The following MTMR14 variants were observed in gnomAD, a reference collection of about 807,000 sequenced individuals.
MTMR14 encodes phosphatidylinositol-3,5-bisphosphate 3-phosphatase MTMR14.
In MTMR14, 48 loss-of-function variants were observed where a neutral mutation model predicts 86.3. That is an observed-to-expected ratio of 0.56 (90% confidence interval 0.44 to 0.71). The LOEUF (loss-of-function observed/expected upper bound fraction) is 0.71, where lower values mean the gene tolerates loss of function less well. Among genes scored for constraint, MTMR14 ranks in the 30% least tolerant of loss-of-function variants. The probability of loss-of-function intolerance (pLI) is 0.00; values close to 1 mark genes in which losing one functional copy is unlikely to be tolerated. For missense variants in MTMR14, 780 were observed against 834.6 expected (o/e 0.93, Z 0.81); for synonymous variants, 366 against 326.1 (o/e 1.12, Z -1.32).
chr3:9,675,837 A>G (rs2075551442), intron 7 of MTMR14, among the ~76,000 whole-genome samples: 1 of 152,184 alleles, frequency 6.6e-6, no homozygotes, highest in African/African-American at 2.4e-5. Flanking sequence ...TCTGAGGGAT[A>G]ATTGCTGTCT....
At chr3:9,656,064 G>A (rs992620912) in intron 2 of MTMR14, among the ~76,000 whole-genome samples, 2 of 151,910 alleles carry the variant, frequency 1.3e-5, no homozygotes, top group South Asian at 2.1e-4. Flanking sequence ...GTGTGGTGGC[G>A]CACGCCTGTA....
chr3:9,701,907 CG>C lies in MTMR14; in HGVS notation c.1892del (p.Gly631AlafsTer26), dbSNP rs769094581. 1.2e-6 allele frequency: 2 copies of C among 1,614,202 alleles called. No homozygotes were observed. The highest frequency in any genetic ancestry group is 2.2e-5 in the South Asian group (2 of 91,090). ...TAGCCCCCAGTCCTTCCGGTGCCAT[CG>C]GGGGCCTGCTGGAGCAATTTGCCCG... is the stretch of plus-strand genomic sequence containing the variant. ...AVAPSPSGAI[G>X]GLLEQFARGV... On this transcript the variant is annotated frameshift_variant, in exon 19 of 19. Transcript: ENST00000296003. LOFTEE classifies it high-confidence loss of function. This position sits in a 1 kb window ranked among gnomAD's most constrained non-coding sequence, Gnocchi z 4.2.
chr3:9,689,962 A>G lies in MTMR14; in HGVS notation c.1434-2A>G, dbSNP rs1271803744. The G allele has an allele frequency of 1.2e-6, 2 of 1,608,832 alleles. No individual in the cohort carries two copies. The highest frequency in any genetic ancestry group is 1.3e-5 in the African/African-American group (1 of 74,940). On this transcript the variant is annotated splice_acceptor_variant, in intron 16 of 18. Coordinates refer to ENST00000296003, the MANE Select transcript of MTMR14 (RefSeq NM_001077525.3). LOFTEE classifies it high-confidence loss of function. ...CTCACAGCCCTGCTCCTTCCACTGC[A>G]GGAGGAAGAGCCACTCATCCTCTCC...
intron 17 of MTMR14, among the ~76,000 whole-genome samples, chr3:9,697,059 T>TCAGG (rs1293165943): frequency 6.6e-6 from 1 of 152,114 alleles, no homozygotes; most frequent in African/African-American, 2.4e-5. Context: ...GAGGAAGCTG[T>TCAGG]CAGGCTGCCT....
At chr3:9,666,412 C>T (rs1004135951) in intron 3 of MTMR14, among the ~76,000 whole-genome samples, 1 of 152,080 alleles carries the variant, frequency 6.6e-6, no homozygotes, top group Non-Finnish European at 1.5e-5. Context: ...GGATTACAGG[C>T]GTGAGCCACC....
At chr3:9,650,324 CCAGT>C (rs1390772606) in intron 1 of MTMR14, 1 of 456,588 alleles carries the variant, frequency 2.2e-6, no homozygotes, top group East Asian at 6.9e-5. Context: ...GGATTTCCAC[CCAGT>C]CGTCTTATCG....
At chr3:9,665,038 C>G (rs2048167237) in intron 3 of MTMR14, among the ~76,000 whole-genome samples, 1 of 152,100 alleles carries the variant, frequency 6.6e-6, no homozygotes, top group South Asian at 2.1e-4. Context: ...AATCCCAGCA[C>G]TTTGGGAGGC....
intron 1 of MTMR14, among the ~76,000 whole-genome samples, chr3:9,653,255 G>C (rs1189905239): frequency 6.6e-6 from 1 of 152,154 alleles, no homozygotes; most frequent in African/African-American, 2.4e-5. Context: ...TAAGAGAATG[G>C]GGAAGCTGAC....
intron 5 of MTMR14, 67 bp downstream of exon 5, chr3:9,669,559 T>C (rs1164115225): frequency 6.7e-7 from 1 of 1,499,298 alleles, no homozygotes; most frequent in Non-Finnish European, 9.2e-7. Flanking sequence ...GAGATGGCCA[T>C]GTTCATATTG....
rs756173272 is a variant in MTMR14, at chr3:9,668,748, A to T, written c.447A>T (p.Gly149=). 1.2e-6 allele frequency: 2 copies of T among 1,614,154 alleles called. No individual in the cohort carries two copies. Among genetic ancestry groups the T allele is most frequent in the Non-Finnish European group, 8.5e-7 (1 of 1,180,032 alleles). The change falls in exon 4 of 19, where the codon GGA becomes GGT. Residue 149 remains glycine (G), a synonymous_variant. Transcript: ENST00000296003. ...TTTGCAGGTCGGCCACACTGGCTGGATGGGGAGAGCTGTATGGACGCTCAG... is the reference window on the plus strand; with the variant it reads ...TTTGCAGGTCGGCCACACTGGCTGGTTGGGGAGAGCTGTATGGACGCTCAG... ...KHICRSATLA[G]WGELYGRSGY...
chr3:9,666,055 G>A (rs1412250947), intron 3 of MTMR14, among the ~76,000 whole-genome samples: 2 of 151,246 alleles, frequency 1.3e-5, no homozygotes, highest in Non-Finnish European at 1.5e-5. Context: ...AAGGCTTGAA[G>A]CAATGTAAAA....
At chr3:9,655,247 A>T (rs2047528104) in intron 2 of MTMR14, among the ~76,000 whole-genome samples, 1 of 151,664 alleles carries the variant, frequency 6.6e-6, no homozygotes, top group Admixed American at 6.6e-5. Context: ...GGCTCCTGTA[A>T]TCCCAGCTAC....
intron 9 of MTMR14, among the ~76,000 whole-genome samples, chr3:9,681,198 A>G (rs1002246085): frequency 1.3e-5 from 2 of 152,222 alleles, no homozygotes; most frequent in African/African-American, 2.4e-5. Context: ...TGAATGAATG[A>G]TAGGAGCAGT....
chr3:9,693,535 G>T (rs776201598), intron 17 of MTMR14, among the ~76,000 whole-genome samples: 3 of 152,128 alleles, frequency 2.0e-5, no homozygotes, highest in African/African-American at 4.8e-5. Flanking sequence ...TGTATTTTTA[G>T]GTAAGCTAGA....
Sources: gnomAD v4.1 joint callset for allele counts (sites outside exome capture counted in the v4.1 genomes callset) on GRCh38, gnomAD v4.1.1 for gene constraint, Gnocchi (gnomAD v3.1) non-coding constraint, MANE v1.5 for transcripts, NCBI Gene and HGNC (gene_info 2026-07-23, HGNC 2026-07-21) for gene names.